The following PDE4DIP variants were observed in gnomAD, a reference collection of about 807,000 sequenced individuals.
PDE4DIP encodes myomegalin.
In PDE4DIP, 59 loss-of-function variants were observed where a neutral mutation model predicts 221.4. That is an observed-to-expected ratio of 0.27 (90% confidence interval 0.22 to 0.33). PDE4DIP has a LOEUF of 0.33. PDE4DIP is among the 10% of genes least tolerant of loss of function. The pLI is 1.00. For synonymous variants in PDE4DIP, 404 were observed against 815.9 expected (o/e 0.50, Z 8.60); for missense variants, 1,036 against 2,154.2 (o/e 0.48, Z 10.28).
Position 149,018,625 on chromosome 1 carries a change from C to T in PDE4DIP, c.5734C>T (p.Arg1912Ter), listed in dbSNP as rs376978550. The T allele has an allele frequency of 4.3e-6, 7 of 1,613,326 alleles. No individual in the cohort carries two copies. Among genetic ancestry groups the T allele is most frequent in the East Asian group, 2.2e-5 (1 of 44,848 alleles). Residue 1912 changes from arginine to a stop codon, truncating the protein, a stop_gained, in exon 35 of 44, where the codon CGA becomes TGA. Transcript: ENST00000369354. LOFTEE classifies it high-confidence loss of function. ...GAACAGAGTCCTCAGGGAAGACAATCGAAGACTTCAGGCTCAACTGAGTCA... is the reference window on the plus strand; with the variant it reads ...GAACAGAGTCCTCAGGGAAGACAATTGAAGACTTCAGGCTCAACTGAGTCA...
At chr1:148,995,128 CAT>C (rs1315172996) in intron 22 of PDE4DIP, among the ~76,000 whole-genome samples, 1 of 150,062 alleles carries the variant, frequency 6.7e-6, no homozygotes, top group African/African-American at 2.4e-5. Flanking sequence ...ATACCTTTAA[CAT>C]ATTCATTTCA....
rs587704536 is a variant in PDE4DIP, at chr1:148,961,621, T to C, written c.769-216T>C. On this transcript the variant is annotated intron_variant, in intron 6 of 43. Transcript: ENST00000369354. ...ATAGAGAGATCACAGTGCGTGAAAA[T>C]TGAGACAATTTAGTATTGAAGGAAG... 3.3e-5 allele frequency among the ~76,000 whole-genome samples: 5 copies of C among 152,304 alleles called. No individual in the cohort carries two copies. The South Asian group carries it at 1.0e-3, about 32-fold the overall frequency.
rs1244473555 is a variant in PDE4DIP at position 148,922,912 on chromosome 1, G to T, written c.142-6285G>T. Among the ~76,000 whole-genome samples the T allele has an allele frequency of 5.6e-5, 8 of 143,026 alleles. No homozygotes were observed. In the Admixed American group the frequency reaches 5.7e-4, roughly 10 times the overall value. The allele number at this position is 143,026 out of a possible 152,430, so 93.8% of individuals were successfully genotyped here. Reference sequence around the variant, plus strand: ...TTATTTTTTATTTTTTTGAGGTGGAGTTTCTCTCTGTCACCCCAGCTGGAG... The same window carrying T: ...TTATTTTTTATTTTTTTGAGGTGGATTTTCTCTCTGTCACCCCAGCTGGAG... On this transcript the variant is annotated intron_variant, in intron 1 of 43. Transcript: ENST00000369354.
intron 1 of PDE4DIP, among the ~76,000 whole-genome samples, chr1:148,905,072 G>A (rs2500378): frequency 2.2e-5 from 3 of 135,170 alleles, no homozygotes; most frequent in African/African-American, 5.9e-5. Context: ...GTTTAAATTA[G>A]CATTTCAATC....
At chr1:148,916,114 C>A (rs1477615713) in intron 1 of PDE4DIP, among the ~76,000 whole-genome samples, 1 of 151,568 alleles carries the variant, frequency 6.6e-6, no homozygotes, top group South Asian at 2.1e-4. Context: ...ATAAGCCATA[C>A]ATGTAATTTA....
At chr1:148,989,954 ATGAG>A (rs1553555302) in intron 21 of PDE4DIP, among the ~76,000 whole-genome samples, 1 of 152,160 alleles carries the variant, frequency 6.6e-6, no homozygotes. Flanking sequence ...GTTGGTTTGA[ATGAG>A]TAAGTATTGG....
intron 21 of PDE4DIP, among the ~76,000 whole-genome samples, chr1:148,989,836 G>C (rs1392626589): frequency 1.3e-5 from 2 of 152,188 alleles, no homozygotes; most frequent in Non-Finnish European, 2.9e-5. Context: ...GGGTGTCCTA[G>C]GTAAATTAGT....
chr1:148,976,576 GAGGT>G (rs1163456133), intron 17 of PDE4DIP, among the ~76,000 whole-genome samples: 1 of 152,178 alleles, frequency 6.6e-6, no homozygotes, highest in Non-Finnish European at 1.5e-5. Flanking sequence ...TGCTGGGGAT[GAGGT>G]AGGTAGTGAA....
At chr1:148,929,380 T>G in intron 2 of PDE4DIP, 107 bp downstream of exon 5, 1 of 1,427,828 alleles carries the variant, frequency 7.0e-7, no homozygotes, top group Non-Finnish European at 9.5e-7. Flanking sequence ...ATTTGAATCC[T>G]GTATCTGATT....
chr1:148,859,801 T>TGC (rs2148146284), intron 1 of PDE4DIP, among the ~76,000 whole-genome samples: 1 of 127,346 alleles, frequency 7.9e-6, no homozygotes, highest in South Asian at 2.5e-4. Context: ...TTTGTGTGTG[T>TGC]GTGTGTGTGT....
intron 5 of PDE4DIP, among the ~76,000 whole-genome samples, chr1:148,941,203 G>A (rs1171958917): frequency 1.3e-5 from 1 of 79,454 alleles, no homozygotes; most frequent in Non-Finnish European, 2.5e-5. Context: ...AGAAATACAC[G>A]CATGGTGCTA....
chr1:148,861,570 G>A (rs113457491), intron 1 of PDE4DIP, among the ~76,000 whole-genome samples: 3 of 67,128 alleles, frequency 4.5e-5, no homozygotes, highest in East Asian at 7.9e-4. Context: ...CCTGGGAGGC[G>A]GAGGTTGTGG....
intron 1 of PDE4DIP, among the ~76,000 whole-genome samples, chr1:148,827,620 AT>A: frequency 9.0e-6 from 1 of 111,594 alleles, no homozygotes; most frequent in South Asian, 3.6e-4. Flanking sequence ...GGAGATACAC[AT>A]TAAATATTTA....
intron 19 of PDE4DIP, among the ~76,000 whole-genome samples, chr1:148,978,786 A>G (rs1574772915): frequency 1.3e-5 from 2 of 152,148 alleles, no homozygotes; most frequent in Admixed American, 1.3e-4. Context: ...ACCATGGTAA[A>G]GCTGTCAATC....
chr1:149,007,251 G>C (rs1553600297), exon 28 of PDE4DIP: 1 of 1,558,142 alleles, frequency 6.4e-7, no homozygotes, highest in Non-Finnish European at 8.8e-7. Context: ...TCTTACCTAC[G>C]GCAAAAAATA....
At chr1:149,032,416 C>T (rs1266144720) in exon 44 of PDE4DIP, 1 of 449,814 alleles carries the variant, frequency 2.2e-6, no homozygotes, top group African/African-American at 1.9e-5. Context: ...TGCTGGAGCT[C>T]CTCTGGCAGG....
upstream of PDE4DIP, among the ~76,000 whole-genome samples, chr1:148,885,471 T>A (rs1695661619): frequency 1.5e-5 from 2 of 136,546 alleles, no homozygotes; most frequent in Non-Finnish European, 1.6e-5. Flanking sequence ...AGAGGGAGAG[T>A]GGTAGGAAGA....
Position 148,910,537 on chromosome 1 carries a change from G to A in PDE4DIP, c.142-18660G>A, listed in dbSNP as rs1465874428. Among the ~76,000 whole-genome samples the A allele has an allele frequency of 2.9e-5, 2 of 69,714 alleles. 1 individual carries two copies. Among genetic ancestry groups the A allele is most frequent in the African/African-American group, 1.4e-4 (2 of 14,748 alleles). The allele number at this position is 69,714 out of a possible 152,430, so 45.7% of individuals were successfully genotyped here. ...TGCTAGAGCCTAGGAGGTCAAGGCT[G>A]CAGTGAGCTGTGTTTGTATCACTGA... On this transcript the variant is annotated intron_variant, in intron 1 of 43. Coordinates refer to ENST00000369354, the Ensembl canonical transcript of PDE4DIP.
exon 23 of PDE4DIP, chr1:148,998,178 T>C (rs1553568168): frequency 3.6e-6 from 5 of 1,402,428 alleles, no homozygotes; most frequent in Non-Finnish European, 5.0e-6. Context: ...GTCTGGCAAC[T>C]GTGGAGACCC....
Sources: gnomAD v4.1 joint callset for allele counts (sites outside exome capture counted in the v4.1 genomes callset) on GRCh38, gnomAD v4.1.1 for gene constraint, MANE v1.5 for transcripts, NCBI Gene and HGNC (gene_info 2026-07-23, HGNC 2026-07-21) for gene names.